OCA2: variants seen among roughly 807,000 people sequenced by gnomAD.
OCA2 encodes the protein OCA2 melanosomal transmembrane protein.
In OCA2, 77 loss-of-function variants were observed where a neutral mutation model predicts 100.2. The observed-to-expected ratio is 0.77, with a 90% CI of 0.64 to 0.93. The LOEUF (loss-of-function observed/expected upper bound fraction) is 0.93. Ranked by LOEUF, OCA2 falls within the 40% of genes least tolerant of loss-of-function variation. OCA2 has a pLI of 0.00. For missense variants in OCA2, 1,062 were observed against 1,089.1 expected, an observed-to-expected ratio of 0.98 and a Z score of 0.35; for synonymous variants, 432 against 439.2, an observed-to-expected ratio of 0.98 and a Z score of 0.21.
chr15:27,918,372 T>A (rs1156619398), intron 19 of OCA2, among the ~76,000 whole-genome samples: 2 of 152,124 alleles, frequency 1.3e-5, no homozygotes, highest in African/African-American at 4.8e-5. Context: ...GTCCAGCACC[T>A]CTTGAGTTTC....
chr15:27,933,478 G>A (rs964744803), intron 18 of OCA2, among the ~76,000 whole-genome samples: 9 of 152,160 alleles, frequency 5.9e-5, no homozygotes, highest in African/African-American at 1.2e-4. Flanking sequence ...ACGCGTGTCC[G>A]TATGAAGAGA....
At chr15:27,954,890 C>T (rs1447551696) in intron 17 of OCA2, among the ~76,000 whole-genome samples, 6 of 152,174 alleles carry the variant, frequency 3.9e-5, no homozygotes, top group African/African-American at 1.4e-4. Context: ...GTCAGGGACA[C>T]CCGCTCAGAG....
At chr15:27,883,766 T>C (rs1311287496) in intron 19 of OCA2, among the ~76,000 whole-genome samples, 1 of 152,194 alleles carries the variant, frequency 6.6e-6, no homozygotes, top group Non-Finnish European at 1.5e-5. Context: ...GGCTTCCTTT[T>C]ATTGGATGCC....
intron 9 of OCA2, 57 bp from the exon 10 acceptor site, chr15:27,990,704 C>T (rs2041528280): frequency 4.1e-6 from 6 of 1,468,154 alleles, no homozygotes; most frequent in African/African-American, 2.7e-5. Context: ...TTAGCACACA[C>T]GAAAGCCTGT....
At chr15:27,805,999 C>A (rs547306001) in intron 23 of OCA2, among the ~76,000 whole-genome samples, 1 of 152,216 alleles carries the variant, frequency 6.6e-6, no homozygotes, top group Non-Finnish European at 1.5e-5. Flanking sequence ...CAGGCCGTGA[C>A]AAACTATTTA....
rs886051021 is a variant in OCA2, at chr15:27,966,773, A to T, written c.1553T>A (p.Leu518His). 1.3e-5 allele frequency: 21 copies of T among 1,613,640 alleles called. No homozygotes were observed. Among genetic ancestry groups the T allele is most frequent in the Non-Finnish European group, 1.7e-5 (20 of 1,179,986 alleles). ...FTAHMFIGIC[L>H]VLLVCFPLLR... ...GAGCGGAAAGCAGACCAGGAGAACA[A>T]GGCAAATCCCAATGAACATGTGTGC... The change falls in exon 15 of 24, where the codon CTT (leucine) becomes CAT (histidine). Residue 518 changes from leucine to histidine, a missense_variant. By Grantham distance (99) the Leu-to-His change is moderately conservative (BLOSUM62 -3). Coordinates refer to ENST00000354638, the MANE Select transcript of OCA2 (RefSeq NM_000275.3).
intron 14 of OCA2, among the ~76,000 whole-genome samples, chr15:27,976,497 C>T (rs1597202): frequency 0.037 from 5,705 of 152,168 alleles, 132 homozygotes; most frequent in Middle Eastern, 0.092. Context: ...GTTTTTTCTG[C>T]ATCTATTGAG....
At chr15:27,796,573 G>A (rs59667682) in intron 23 of OCA2, among the ~76,000 whole-genome samples, 1,952 of 152,308 alleles carry the variant, frequency 0.013, 41 homozygotes, top group African/African-American at 0.044. Context: ...CCCAACAGGT[G>A]TAACAGGTCT....
intron 2 of OCA2, among the ~76,000 whole-genome samples, chr15:28,065,303 T>G (rs2043991362): frequency 6.6e-6 from 1 of 152,174 alleles, no homozygotes; most frequent in African/African-American, 2.4e-5. Context: ...TACTTTTGAG[T>G]ATCCTAAGTT....
intron 4 of OCA2, among the ~76,000 whole-genome samples, chr15:28,025,228 G>T (rs956271799): frequency 3.3e-5 from 5 of 152,116 alleles, no homozygotes; most frequent in African/African-American, 1.2e-4. Context: ...AAAGTAAACT[G>T]AATGCCTTAT....
chr15:27,898,161 G>A (rs953514064), intron 19 of OCA2, among the ~76,000 whole-genome samples: 6 of 152,160 alleles, frequency 3.9e-5, no homozygotes, highest in Admixed American at 3.3e-4. Flanking sequence ...GTGTACTTTC[G>A]AGTTAATGCT....
chr15:27,724,534 T>C, the OCA2 span, among the ~76,000 whole-genome samples: 1 of 152,102 alleles, frequency 6.6e-6, no homozygotes, highest in African/African-American at 2.4e-5. Flanking sequence ...GGTTAGGACT[T>C]CAACATTTCT....
rs367729002 is a variant in OCA2, at chr15:28,043,177, TG to T, written c.228-11015del. Among the ~76,000 whole-genome samples, 69 of 152,316 alleles carry T rather than the reference TG, an allele frequency of 4.5e-4. No individual in the cohort carries two copies. The East Asian group carries it at 8.7e-3, about 19-fold the overall frequency. On this transcript the variant is annotated intron_variant, in intron 2 of 23. Coordinates refer to ENST00000354638, the MANE Select transcript of OCA2 (RefSeq NM_000275.3). The surrounding 1 kb of genome is among the most constrained non-coding windows in gnomAD (Gnocchi z 4.4). ...AGGAGCAATTTTAGGATTACTTGGA[TG>T]TAAGAACATCACCTGTATTTAAGGT...
At chr15:27,907,475 T>A (rs2038221661) in intron 19 of OCA2, among the ~76,000 whole-genome samples, 1 of 150,970 alleles carries the variant, frequency 6.6e-6, no homozygotes, top group Non-Finnish European at 1.5e-5. Context: ...AAAAACAAAG[T>A]CCACCAAATA....
At chr15:27,928,627 G>A (rs958562946) in intron 18 of OCA2, among the ~76,000 whole-genome samples, 6 of 152,154 alleles carry the variant, frequency 3.9e-5, no homozygotes, top group African/African-American at 1.4e-4. Flanking sequence ...CTGTAAGACT[G>A]AGGCCCCTGT....
chr15:27,826,483 T>A (rs961585762), intron 23 of OCA2, among the ~76,000 whole-genome samples: 6 of 152,196 alleles, frequency 3.9e-5, no homozygotes, highest in Non-Finnish European at 5.9e-5. Context: ...ACTGGTGCTC[T>A]GTGTAGACGG....
chr15:28,033,365 A>G (rs2042962241), intron 2 of OCA2, among the ~76,000 whole-genome samples: 1 of 152,252 alleles, frequency 6.6e-6, no homozygotes, highest in East Asian at 1.9e-4. Flanking sequence ...CTTTCTGATC[A>G]CGAATGCACA....
rs141022072 is a variant in OCA2 at position 27,767,083 on chromosome 15, C to T, written c.2433-11611G>A. 9.3e-4 allele frequency among the ~76,000 whole-genome samples: 142 copies of T among 151,988 alleles called. 1 individual carries two copies. The East Asian group carries it at 0.011, about 12-fold the overall frequency. On this transcript the variant is annotated intron_variant, in intron 23 of 23. Coordinates refer to ENST00000354638, the MANE Select transcript of OCA2 (RefSeq NM_000275.3). ...TTCTCCCTTTTCTAGGTCCTGTGACCGCCATCTTGCTATTACTTGCCTTTG... is the reference window on the plus strand; with the variant it reads ...TTCTCCCTTTTCTAGGTCCTGTGACTGCCATCTTGCTATTACTTGCCTTTG...
At chr15:27,769,730 C>T (rs2031564668) in intron 23 of OCA2, among the ~76,000 whole-genome samples, 1 of 152,252 alleles carries the variant, frequency 6.6e-6, no homozygotes, top group Non-Finnish European at 1.5e-5. Context: ...AAAGGTAACA[C>T]ATGATTCTGA....
Sources: gnomAD v4.1 joint callset for allele counts (sites outside exome capture counted in the v4.1 genomes callset) on GRCh38, gnomAD v4.1.1 for gene constraint, Gnocchi (gnomAD v3.1) non-coding constraint, MANE v1.5 for transcripts, NCBI Gene and HGNC (gene_info 2026-07-23, HGNC 2026-07-21) for gene names.